Variants in ZNF644 observed in about 807,000 individuals in gnomAD.
ZNF644 encodes the protein zinc finger motif enhancer binding protein 2.
ZNF644 carries 20 observed loss-of-function variants against 108.0 expected under a neutral mutation model. That is an observed-to-expected ratio of 0.19 (90% CI 0.13 to 0.27). ZNF644 has a LOEUF of 0.27. ZNF644 is among the 10% of genes least tolerant of loss of function. The pLI is 1.00. For missense variants in ZNF644, 1,338 were observed against 1,548.9 expected (o/e 0.86, Z 2.29); for synonymous variants, 542 against 539.1 (o/e 1.01, Z -0.08).
intron 1 of ZNF644, chr1:91,021,104 T>G (rs1468627924): frequency 6.6e-6 from 1 of 152,252 alleles, no homozygotes; most frequent in East Asian, 1.9e-4. Context: ...GAGAAGAGTC[T>G]GGGACAACTC....
At chr1:90,998,904 C>T (rs1473874264) in intron 1 of ZNF644, among the ~76,000 whole-genome samples, 2 of 152,150 alleles carry the variant, frequency 1.3e-5, no homozygotes, top group African/African-American at 4.8e-5. Flanking sequence ...GATGAATGCA[C>T]AAGCTTCAGT....
chr1:90,940,744 T>TGTCACAA lies in ZNF644; in HGVS notation c.603_609dup (p.Ile204LeufsTer2), dbSNP rs1326422866. 6.2e-7 allele frequency: 1 copy of TGTCACAA among 1,614,058 alleles called. No individual in the cohort carries two copies. Among genetic ancestry groups the TGTCACAA allele is most frequent in the South Asian group, 1.1e-5 (1 of 91,072 alleles). On this transcript the variant is annotated stop_gained and frameshift_variant, in exon 3 of 6. Coordinates refer to ENST00000337393, the MANE Select transcript of ZNF644 (RefSeq NM_201269.3). LOFTEE classifies it high-confidence loss of function. ...ATATTACTCCCTACTGAATTCTGAA[T>TGTCACAA]GTCACAACCAACTGAAGCAGAGGTA...
At chr1:90,961,017 A>G (rs1654283737) in intron 2 of ZNF644, among the ~76,000 whole-genome samples, 1 of 152,196 alleles carries the variant, frequency 6.6e-6, no homozygotes, top group Admixed American at 6.5e-5. Context: ...TAAAGGGTAC[A>G]ATAGAAAGTG....
intron 2 of ZNF644, among the ~76,000 whole-genome samples, chr1:90,955,133 GA>G (rs1347404127): frequency 2.6e-5 from 4 of 152,294 alleles, no homozygotes; most frequent in Admixed American, 6.5e-5. Context: ...AGCATATTTC[GA>G]AAAGGAGTCT....
chr1:90,924,865 CT>C (rs1373768627), intron 4 of ZNF644, among the ~76,000 whole-genome samples: 2 of 152,000 alleles, frequency 1.3e-5, no homozygotes, highest in Non-Finnish European at 2.9e-5. Flanking sequence ...GTAAATTCTA[CT>C]TTTCTACTTT....
Position 90,961,124 on chromosome 1 carries a change from A to G in ZNF644, c.45-19815T>C, listed in dbSNP as rs926951114. Among the ~76,000 whole-genome samples, 5 of 152,314 alleles carry G rather than the reference A, an allele frequency of 3.3e-5. No homozygotes were observed. In the East Asian group the frequency reaches 7.7e-4, roughly 23 times the overall value. On this transcript the variant is annotated intron_variant, in intron 2 of 5. Transcript: ENST00000337393. ...GGTAAATATGTAGGTAAATCTATAT[A>G]GCAAAACGATGATGACGTTTCATGG...
chr1:91,015,225 G>A (rs1660326280), intron 1 of ZNF644, among the ~76,000 whole-genome samples: 1 of 152,086 alleles, frequency 6.6e-6, no homozygotes, highest in Non-Finnish European at 1.5e-5. Context: ...TTTGTGCTAG[G>A]AGGAGGTTGG....
intron 2 of ZNF644, among the ~76,000 whole-genome samples, chr1:90,973,658 GA>G (rs1655721562): frequency 6.6e-6 from 1 of 151,812 alleles, no homozygotes; most frequent in South Asian, 2.1e-4. Flanking sequence ...TTTTGTTTAA[GA>G]AAACATATAT....
At chr1:90,933,383 T>C (rs1010185968) in intron 4 of ZNF644, among the ~76,000 whole-genome samples, 19 of 152,144 alleles carry the variant, frequency 1.2e-4, no homozygotes, top group Non-Finnish European at 2.4e-4. Context: ...ACCTTCAGGC[T>C]GGGTGCGGTG....
chr1:90,965,688 T>C (rs987415778), intron 2 of ZNF644, among the ~76,000 whole-genome samples: 1 of 152,206 alleles, frequency 6.6e-6, no homozygotes. Context: ...TGAATTTTGA[T>C]ATAAGTAATG....
chr1:90,939,186 T>C lies in ZNF644; in HGVS notation c.2168A>G (p.His723Arg), dbSNP rs1651677177. 1 of 1,613,938 alleles carries C rather than the reference T, an allele frequency of 6.2e-7. No individual in the cohort carries two copies. The highest frequency in any genetic ancestry group is 1.3e-5 in the African/African-American group (1 of 75,060). The change falls in exon 3 of 6, where the codon CAT (histidine) becomes CGT (arginine). Residue 723 changes from histidine (H) to arginine (R), a missense_variant. Physicochemically the swap from His to Arg is conservative, Grantham distance 29. Around this residue, in one of 6 missense-constraint regions of ZNF644, gnomAD observed 462 missense variants for 472.6 expected, o/e 0.98. Transcript: ENST00000337393. Reference protein sequence around the residue: ...SSVDQKPKYFHQAAKEKSNAK... With the variant: ...SSVDQKPKYFRQAAKEKSNAK... ...ATTAGACTTTTCTTTTGCTGCTTGATGGAAATACTTAGGTTTTTGGTCAAC... is the reference window on the plus strand; with the variant it reads ...ATTAGACTTTTCTTTTGCTGCTTGACGGAAATACTTAGGTTTTTGGTCAAC...
chr1:91,013,280 T>C (rs1460003924), intron 1 of ZNF644, among the ~76,000 whole-genome samples: 2 of 152,020 alleles, frequency 1.3e-5, no homozygotes, highest in African/African-American at 4.8e-5. Context: ...TTCATCATAT[T>C]GGCCAAGCTG....
intron 2 of ZNF644, among the ~76,000 whole-genome samples, chr1:90,955,471 A>G (rs1653664369): frequency 6.6e-6 from 1 of 152,246 alleles, no homozygotes; most frequent in African/African-American, 2.4e-5. Context: ...TCTGTTGGTT[A>G]GTGTAGCCAT....
intron 2 of ZNF644, among the ~76,000 whole-genome samples, chr1:90,962,115 G>A (rs1291768065): frequency 6.6e-6 from 1 of 152,004 alleles, no homozygotes; most frequent in Non-Finnish European, 1.5e-5. Flanking sequence ...TGAACTATAA[G>A]ACCTAATATC....
intron 2 of ZNF644, among the ~76,000 whole-genome samples, chr1:90,968,496 C>A (rs1253950410): frequency 2.6e-5 from 4 of 152,102 alleles, no homozygotes; most frequent in Non-Finnish European, 2.9e-5. Flanking sequence ...GTTCTAATAT[C>A]ACTACTATTT....
chr1:91,017,858 A>G (rs1477010718), intron 1 of ZNF644, among the ~76,000 whole-genome samples: 2 of 152,178 alleles, frequency 1.3e-5, no homozygotes, highest in Non-Finnish European at 2.9e-5. Context: ...GCTACTTGAG[A>G]GGCTGAGACA....
chr1:90,979,533 A>G (rs1656346569), intron 2 of ZNF644, among the ~76,000 whole-genome samples: 1 of 152,184 alleles, frequency 6.6e-6, no homozygotes, highest in Admixed American at 6.5e-5. Flanking sequence ...CTACAATTTA[A>G]AAAAATTTAA....
intron 1 of ZNF644, among the ~76,000 whole-genome samples, chr1:91,009,857 A>G (rs377540086): frequency 5.3e-5 from 8 of 152,334 alleles, no homozygotes; most frequent in African/African-American, 1.7e-4. Context: ...TATTTTGAAT[A>G]CCAGAAGATA....
chr1:91,019,051 A>C (rs1660660529), intron 1 of ZNF644, among the ~76,000 whole-genome samples: 2 of 152,222 alleles, frequency 1.3e-5, no homozygotes, highest in African/African-American at 4.8e-5. Flanking sequence ...ATTTAAAAGC[A>C]CCTTATATGA....
Sources: gnomAD v4.1 joint callset for allele counts (sites outside exome capture counted in the v4.1 genomes callset) on GRCh38, gnomAD v4.1.1 for gene constraint, gnomAD v4.1.1 regional missense constraint, MANE v1.5 for transcripts, NCBI Gene and HGNC (gene_info 2026-07-23, HGNC 2026-07-21) for gene names.